Variants in PLXNA4 observed in about 807,000 individuals in gnomAD.
The protein encoded by PLXNA4 is plexin A4, also known as plexin-A4.
Under a neutral mutation model 191.8 loss-of-function variants are expected in PLXNA4, and 44 were observed. The ratio of observed to expected loss-of-function variants is 0.23; its 90% CI spans 0.18 to 0.29. The LOEUF is 0.29. Ranked by LOEUF, PLXNA4 falls within the 10% of genes least tolerant of loss-of-function variation. The pLI, the probability that PLXNA4 is intolerant of heterozygous loss-of-function variation, is 1.00. For synonymous variants in PLXNA4, 1,082 were observed against 1,009.5 expected (o/e 1.07, Z -1.36); for missense variants, 1,800 against 2,488.8 (o/e 0.72, Z 5.89).
chr7:132,464,299 A>G (rs1268812028), intron 3 of PLXNA4, among the ~76,000 whole-genome samples: 1 of 152,208 alleles, frequency 6.6e-6, no homozygotes, highest in Non-Finnish European at 1.5e-5. Context: ...GCTAGAAATT[A>G]AGAGTCTGCC....
intron 3 of PLXNA4, among the ~76,000 whole-genome samples, chr7:132,455,996 C>T (rs972079722): frequency 1.3e-5 from 2 of 152,190 alleles, no homozygotes; most frequent in African/African-American, 4.8e-5. Flanking sequence ...CCTCCCTTGT[C>T]TCTGGCCCTG....
chr7:132,207,818 G>A (rs902893677), intron 10 of PLXNA4, among the ~76,000 whole-genome samples: 2 of 152,220 alleles, frequency 1.3e-5, no homozygotes, highest in African/African-American at 2.4e-5. Flanking sequence ...CCTCTTTGAG[G>A]CTGATCAGAC....
intron 3 of PLXNA4, among the ~76,000 whole-genome samples, chr7:132,317,228 C>A (rs1400391179): frequency 1.4e-5 from 2 of 147,042 alleles, no homozygotes; most frequent in Non-Finnish European, 3.0e-5. Context: ...GTGTGCTGTG[C>A]TATATCATGT....
At chr7:132,647,058 CA>C (rs1336707296) in intron 1 of PLXNA4, among the ~76,000 whole-genome samples, 2 of 151,982 alleles carry the variant, frequency 1.3e-5, no homozygotes, top group Non-Finnish European at 2.9e-5. Flanking sequence ...TATACATTCA[CA>C]AACACATGCT....
At chr7:132,150,411 C>A (rs977523376) in intron 25 of PLXNA4, among the ~76,000 whole-genome samples, 1 of 152,164 alleles carries the variant, frequency 6.6e-6, no homozygotes, top group African/African-American at 2.4e-5. Flanking sequence ...TGGTGGACAC[C>A]AGTCTGGGTT....
chr7:132,567,906 C>T (rs1801805731), intron 1 of PLXNA4, among the ~76,000 whole-genome samples: 1 of 152,156 alleles, frequency 6.6e-6, no homozygotes, highest in Admixed American at 6.5e-5. Flanking sequence ...AATGCAGGCC[C>T]ACGTCTCTAG....
At chr7:132,586,311 T>C (rs1241112767) in intron 2 of PLXNA4, among the ~76,000 whole-genome samples, 1 of 152,258 alleles carries the variant, frequency 6.6e-6, no homozygotes, top group Non-Finnish European at 1.5e-5. Flanking sequence ...TGTAAGTATT[T>C]GCAATCCTGC....
chr7:132,617,388 C>T (rs1448245195), intron 2 of PLXNA4, among the ~76,000 whole-genome samples: 6 of 152,200 alleles, frequency 3.9e-5, no homozygotes, highest in African/African-American at 7.2e-5. Context: ...GTGCTTTCCA[C>T]TCTTATCCCA....
intron 3 of PLXNA4, among the ~76,000 whole-genome samples, chr7:132,485,672 AG>A (rs1371621952): frequency 1.3e-5 from 2 of 152,196 alleles, no homozygotes; most frequent in African/African-American, 2.4e-5. Context: ...AACAGTCTGT[AG>A]GTTATTGCTA....
rs546679858 is a variant in PLXNA4, at chr7:132,173,388, C to G, written c.4017+1390G>C. ...ATCTACACATGCATGCACACATACA[C>G]GCACACAAACACACATATAGACAGA... On this transcript the variant is annotated intron_variant, in intron 21 of 31. Coordinates refer to ENST00000321063, the MANE Select transcript of PLXNA4 (RefSeq NM_020911.2). Among the ~76,000 whole-genome samples the G allele has an allele frequency of 2.6e-5, 4 of 152,304 alleles. No homozygotes were observed. In the East Asian group the frequency reaches 7.7e-4, roughly 29 times the overall value.
chr7:132,287,123 C>T (rs186760418), intron 4 of PLXNA4, among the ~76,000 whole-genome samples: 8 of 152,250 alleles, frequency 5.3e-5, no homozygotes, highest in African/African-American at 1.2e-4. Flanking sequence ...CAACCTCTGC[C>T]GCCTGGGTTC....
intron 3 of PLXNA4, among the ~76,000 whole-genome samples, chr7:132,426,076 C>T (rs1316430264): frequency 1.3e-5 from 2 of 152,358 alleles, no homozygotes; most frequent in East Asian, 3.9e-4. Context: ...TCTGCCACTG[C>T]TGTGGATTCA....
chr7:132,444,939 G>A (rs1473312405), intron 3 of PLXNA4, among the ~76,000 whole-genome samples: 7 of 151,368 alleles, frequency 4.6e-5, no homozygotes, highest in African/African-American at 7.3e-5. Flanking sequence ...CGAGGCGGGC[G>A]GATCATGAGG....
chr7:132,155,038 G>A (rs1377406938), intron 25 of PLXNA4, among the ~76,000 whole-genome samples: 7 of 152,202 alleles, frequency 4.6e-5, no homozygotes, highest in Non-Finnish European at 1.0e-4. Context: ...AGAAGATAGT[G>A]TATCTTTTTA....
At chr7:132,564,886 C>T (rs2116717496) in intron 1 of PLXNA4, among the ~76,000 whole-genome samples, 1 of 152,252 alleles carries the variant, frequency 6.6e-6, no homozygotes. Context: ...ACTGACCATC[C>T]CCTGCCACTG....
chr7:132,336,143 T>C (rs143666687), intron 3 of PLXNA4, among the ~76,000 whole-genome samples: 22 of 152,346 alleles, frequency 1.4e-4, no homozygotes, highest in African/African-American at 5.1e-4. Flanking sequence ...CATGTTCTTA[T>C]GGAAATAGCT....
In PLXNA4 at chr7:132,498,613, T is replaced by C. The variant is rs4728257; in HGVS notation, c.1188+8893A>G. Among the ~76,000 whole-genome samples the C allele has an allele frequency of 0.02, 3,049 of 152,156 alleles. 290 individuals are homozygous for C. In the East Asian group the frequency reaches 0.32, roughly 16 times the overall value. ...GGGACATAGCCAAACCATGAGAGTA[T>C]GCATGGGAAAAAACACGGTATATAT... On this transcript the variant is annotated intron_variant, in intron 2 of 31. Coordinates refer to ENST00000321063, the MANE Select transcript of PLXNA4 (RefSeq NM_020911.2).
chr7:132,150,470 C>G (rs1289119343), intron 25 of PLXNA4, among the ~76,000 whole-genome samples: 1 of 152,098 alleles, frequency 6.6e-6, no homozygotes. Flanking sequence ...TGAGTGGCAC[C>G]TGGTTAAGTC....
chr7:132,325,063 C>T (rs1031374268), intron 3 of PLXNA4, among the ~76,000 whole-genome samples: 13 of 152,240 alleles, frequency 8.5e-5, no homozygotes, highest in Admixed American at 7.8e-4. Context: ...AGACACCTGC[C>T]CCCACCTGCC....
Sources: allele counts gnomAD v4.1 joint callset (sites outside exome capture counted in the v4.1 genomes callset), GRCh38; gene constraint gnomAD v4.1.1; transcripts MANE v1.5; gene names NCBI Gene and HGNC (gene_info 2026-07-23, HGNC 2026-07-21).